PAK5: variants seen among roughly 807,000 people sequenced by gnomAD.
The protein encoded by PAK5 is p21 (RAC1) activated kinase 5, also known as serine/threonine-protein kinase PAK 5.
In PAK5, 16 loss-of-function variants were observed where a neutral mutation model predicts 65.9. That is an observed-to-expected ratio of 0.24 (90% CI 0.16 to 0.37). The LOEUF is 0.37. PAK5 is among the 10% of genes least tolerant of loss of function. The pLI is 1.00. For synonymous variants in PAK5, 371 were observed against 354.9 expected, an observed-to-expected ratio of 1.05 and a Z score of -0.51; for missense variants, 785 against 903.9, an observed-to-expected ratio of 0.87 and a Z score of 1.69.
chr20:9,807,507 A>G (rs996152204), intron 1 of PAK5, among the ~76,000 whole-genome samples: 4 of 152,072 alleles, frequency 2.6e-5, no homozygotes, highest in African/African-American at 9.7e-5. Context: ...CCACTAATAC[A>G]TACATACTCT....
At chr20:9,716,778 C>T (rs2048151865) in intron 1 of PAK5, among the ~76,000 whole-genome samples, 1 of 152,114 alleles carries the variant, frequency 6.6e-6, no homozygotes, top group Admixed American at 6.6e-5. Flanking sequence ...ATTACCATTA[C>T]TGACTTTTAA....
intron 2 of PAK5, among the ~76,000 whole-genome samples, chr20:9,703,441 T>C (rs2047964975): frequency 6.6e-6 from 1 of 151,612 alleles, no homozygotes; most frequent in African/African-American, 2.4e-5. Context: ...ATGAGGAACA[T>C]CTGGGCCCCA....
At chr20:9,625,490 C>A (rs145005191) in intron 3 of PAK5, among the ~76,000 whole-genome samples, 19 of 152,346 alleles carry the variant, frequency 1.2e-4, no homozygotes, top group Non-Finnish European at 2.8e-4. Context: ...TAGTGCTGTG[C>A]ACGGGTTTTT....
At chr20:9,819,568 A>T (rs2049395499) in intron 1 of PAK5, among the ~76,000 whole-genome samples, 1 of 146,796 alleles carries the variant, frequency 6.8e-6, no homozygotes, top group East Asian at 2.0e-4. Flanking sequence ...TTTAAAAAAC[A>T]TTTTTTTTTT....
At chr20:9,603,141 G>A (rs11906114) in intron 3 of PAK5, among the ~76,000 whole-genome samples, 3 of 152,142 alleles carry the variant, frequency 2.0e-5, no homozygotes, top group East Asian at 1.9e-4. Flanking sequence ...GATTATAGAC[G>A]CCTCCGGTGT....
chr20:9,825,519 C>A (rs78690791), intron 1 of PAK5, among the ~76,000 whole-genome samples: 86 of 152,110 alleles, frequency 5.7e-4, no homozygotes, highest in African/African-American at 1.8e-3. Context: ...CATCCTTTTG[C>A]GTTTTGATAA....
Position 9,543,288 on chromosome 20 carries a change from T to C in PAK5, c.1870-568A>G, listed in dbSNP as rs150756381. Among the ~76,000 whole-genome samples the C allele has an allele frequency of 8.4e-3, 1,281 of 151,990 alleles. 10 individuals carry two copies. The highest frequency in any genetic ancestry group is 0.033 in the East Asian group (168 of 5,156). On this transcript the variant is annotated intron_variant, in intron 8 of 9. Coordinates refer to ENST00000353224, the MANE Select transcript of PAK5 (RefSeq NM_177990.4). ...CACTTTACAAAAGCATTTTCAGGGA[T>C]TGGAGAAAAGAAAAGGAAGAGATGA... is the stretch of plus-strand genomic sequence containing the variant.
intron 1 of PAK5, among the ~76,000 whole-genome samples, chr20:9,796,723 G>A (rs763521756): frequency 1.6e-4 from 24 of 152,072 alleles, no homozygotes; most frequent in Non-Finnish European, 2.8e-4. Flanking sequence ...CTAGAGTTGG[G>A]GCAGTGGAAA....
chr20:9,739,958 C>A (rs972504984), intron 1 of PAK5, among the ~76,000 whole-genome samples: 1 of 152,146 alleles, frequency 6.6e-6, no homozygotes, highest in Non-Finnish European at 1.5e-5. Context: ...TTCTGTCTAG[C>A]TTTTCATGCT....
chr20:9,836,464 T>C (rs1414470785), intron 1 of PAK5, among the ~76,000 whole-genome samples: 1 of 152,176 alleles, frequency 6.6e-6, no homozygotes, highest in Non-Finnish European at 1.5e-5. Context: ...AGGCAGAGAT[T>C]GGAGTTATGC....
chr20:9,622,586 G>A (rs887225367), intron 3 of PAK5, among the ~76,000 whole-genome samples: 1 of 152,200 alleles, frequency 6.6e-6, no homozygotes, highest in Non-Finnish European at 1.5e-5. Context: ...TGGGAAGCAG[G>A]GAGCACAGCA....
At chr20:9,587,547 A>G (rs1362757825) in intron 3 of PAK5, among the ~76,000 whole-genome samples, 1 of 152,212 alleles carries the variant, frequency 6.6e-6, no homozygotes, top group Non-Finnish European at 1.5e-5. Context: ...TAAAATTTTG[A>G]TAGTGGCTGT....
intron 2 of PAK5, among the ~76,000 whole-genome samples, chr20:9,658,215 G>A (rs1052493695): frequency 6.6e-6 from 1 of 152,172 alleles, no homozygotes; most frequent in African/African-American, 2.4e-5. Flanking sequence ...GACTTAAAAT[G>A]ACAACCATTT....
chr20:9,558,247 G>T (rs2045541259), intron 6 of PAK5, among the ~76,000 whole-genome samples: 1 of 151,878 alleles, frequency 6.6e-6, no homozygotes, highest in Non-Finnish European at 1.5e-5. Context: ...ACGTAGCTGG[G>T]ACTACAGGCG....
chr20:9,587,445 G>A (rs943712685), intron 3 of PAK5, among the ~76,000 whole-genome samples: 3 of 152,074 alleles, frequency 2.0e-5, no homozygotes, highest in Non-Finnish European at 2.9e-5. Flanking sequence ...TCTTAAAAAC[G>A]TAATGTATGA....
At chr20:9,582,529 G>A (rs936814145) in intron 3 of PAK5, among the ~76,000 whole-genome samples, 1 of 152,182 alleles carries the variant, frequency 6.6e-6, no homozygotes, top group African/African-American at 2.4e-5. Context: ...TGTTAGCCCT[G>A]ACTACCTGGG....
rs189099149 is a variant in PAK5 at position 9,609,609 on chromosome 20, G to A, written c.205-28679C>T. 3.5e-3 allele frequency among the ~76,000 whole-genome samples: 531 copies of A among 152,306 alleles called. 1 individual carries two copies. The highest frequency in any genetic ancestry group is 5.4e-3 in the Non-Finnish European group (365 of 68,038). On this transcript the variant is annotated intron_variant, in intron 3 of 9. Transcript: ENST00000353224. ...TTCTGCTGCCAACCCTCAGCCACCA[G>A]TGGTCAAAGCCATCAGAGGCAGGAA... is the stretch of plus-strand genomic sequence containing the variant.
intron 2 of PAK5, among the ~76,000 whole-genome samples, chr20:9,654,268 C>T (rs112424095): frequency 8.5e-5 from 13 of 152,224 alleles, no homozygotes; most frequent in Admixed American, 5.9e-4. Context: ...CCACCGTGCC[C>T]GGCCCATCTT....
At chr20:9,687,771 G>A (rs2047738805) in intron 2 of PAK5, among the ~76,000 whole-genome samples, 1 of 152,160 alleles carries the variant, frequency 6.6e-6, no homozygotes, top group South Asian at 2.1e-4. Context: ...TAGATGCACA[G>A]AATAGGGAAT....
Sources: allele counts gnomAD v4.1 joint callset (sites outside exome capture counted in the v4.1 genomes callset), GRCh38; gene constraint gnomAD v4.1.1; transcripts MANE v1.5; gene names NCBI Gene and HGNC (gene_info 2026-07-23, HGNC 2026-07-21).